ASAP2: variants seen among roughly 807,000 people sequenced by gnomAD.
The protein encoded by ASAP2 is ArfGAP with SH3 domain, ankyrin repeat and PH domain 2, also known as arf-GAP with SH3 domain, ANK repeat and PH domain-containing protein 2.
ASAP2 carries 45 observed loss-of-function variants against 131.4 expected under a neutral mutation model. That is an observed-to-expected ratio of 0.34 (90% confidence interval 0.27 to 0.44). ASAP2 has a LOEUF of 0.44. Ranked by LOEUF, ASAP2 falls within the 20% of genes least tolerant of loss-of-function variation. The pLI is 1.00. For missense variants in ASAP2, 1,011 were observed against 1,297.0 expected (o/e 0.78, Z 3.39); for synonymous variants, 510 against 503.0 (o/e 1.01, Z -0.19).
intron 1 of ASAP2, among the ~76,000 whole-genome samples, chr2:9,254,024 A>G (rs1392256314): frequency 3.3e-5 from 5 of 150,866 alleles, no homozygotes; most frequent in African/African-American, 1.2e-4. Context: ...TGGCCAATAT[A>G]GTGAAACCCC....
At chr2:9,231,098 T>C (rs1572207855) in intron 1 of ASAP2, among the ~76,000 whole-genome samples, 1 of 152,218 alleles carries the variant, frequency 6.6e-6, no homozygotes, top group Non-Finnish European at 1.5e-5. Flanking sequence ...TTTCTTCTTA[T>C]GCCAGCCTGG....
chr2:9,257,585 C>T (rs563319058), intron 1 of ASAP2, among the ~76,000 whole-genome samples: 1 of 152,352 alleles, frequency 6.6e-6, no homozygotes, highest in East Asian at 1.9e-4. Flanking sequence ...GTGGCACGAT[C>T]TCCATTCACG....
rs1336188287 is a variant in ASAP2 at position 9,232,404 on chromosome 2, C to T, written c.126+25174C>T. 6.6e-6 allele frequency among the ~76,000 whole-genome samples: 1 copy of T among 152,198 alleles called. No homozygotes were observed. Among genetic ancestry groups the T allele is most frequent in the Non-Finnish European group, 1.5e-5 (1 of 68,040 alleles). On this transcript the variant is annotated intron_variant, in intron 1 of 27. Coordinates refer to ENST00000281419, the MANE Select transcript of ASAP2 (RefSeq NM_003887.3). The surrounding 1 kb of genome is among the most constrained non-coding windows in gnomAD (Gnocchi z 4.1). ...GGCCCTCCTCTGCTGGCTTTGTGCCCCCGTACCCCTTTCGCAGCTGACTGT... is the reference window on the plus strand; with the variant it reads ...GGCCCTCCTCTGCTGGCTTTGTGCCTCCGTACCCCTTTCGCAGCTGACTGT...
At chr2:9,243,300 G>T (rs951853193) in intron 1 of ASAP2, among the ~76,000 whole-genome samples, 1 of 152,132 alleles carries the variant, frequency 6.6e-6, no homozygotes, top group African/African-American at 2.4e-5. Context: ...AGTAGAGATG[G>T]GGTTTCACTG....
chr2:9,351,799 A>C (rs945112032), intron 12 of ASAP2, among the ~76,000 whole-genome samples: 7 of 152,186 alleles, frequency 4.6e-5, no homozygotes, highest in African/African-American at 1.7e-4. Flanking sequence ...CACCTCACCC[A>C]CAATGGCTTG....
rs1038353415 is a variant in ASAP2 at position 9,327,843 on chromosome 2, C to T, written c.618C>T (p.Asn206=). The T allele has an allele frequency of 1.8e-5, 28 of 1,592,100 alleles. No homozygotes were observed. The highest frequency in any genetic ancestry group is 4.6e-5 in the East Asian group (2 of 43,576). Residue 206 remains asparagine (N), a synonymous_variant, in exon 7 of 28, where the codon AAC becomes AAT. Coordinates refer to ENST00000281419, the MANE Select transcript of ASAP2 (RefSeq NM_003887.3). ...TTCAACAGTATCTGCTGAAGGTCAA[C>T]GAAATCAAGATTAAAAAGGGAGTAG... ...LQMCEYLLKV[N]EIKIKKGVDL... is the part of the protein sequence containing the mutation.
At chr2:9,373,619 T>C (rs955612299) in intron 16 of ASAP2, among the ~76,000 whole-genome samples, 8 of 152,196 alleles carry the variant, frequency 5.3e-5, no homozygotes, top group African/African-American at 1.9e-4. Context: ...AGTCAACAAC[T>C]GCTCCAGCAG....
chr2:9,260,105 C>T (rs889506352), intron 1 of ASAP2, among the ~76,000 whole-genome samples: 1 of 152,190 alleles, frequency 6.6e-6, no homozygotes, highest in African/African-American at 2.4e-5. Flanking sequence ...GGGAAAGGTC[C>T]TCCACCAACC....
chr2:9,356,381 G>A, intron 14 of ASAP2, 36 bp downstream of exon 14: 4 of 1,528,032 alleles, frequency 2.6e-6, no homozygotes, highest in Middle Eastern at 1.8e-4. Flanking sequence ...TGGGCTCTAG[G>A]ACATTTCAAT....
intron 1 of ASAP2, among the ~76,000 whole-genome samples, chr2:9,277,160 AG>A (rs1181306987): frequency 2.6e-5 from 4 of 152,212 alleles, no homozygotes; most frequent in Non-Finnish European, 5.9e-5. Flanking sequence ...TAGAGCTCTG[AG>A]GAGCACCGTG....
chr2:9,392,453 TC>T lies in ASAP2; in HGVS notation c.2519-1028del, dbSNP rs1490983625. ...AAAAGCAGCCCAGCCCCAGCTAGAG[TC>T]AGTGCCATGTGTGCACATGCCGGCA... On this transcript the variant is annotated intron_variant, in intron 23 of 27. Transcript: ENST00000281419. This position sits in a 1 kb window ranked among gnomAD's most constrained non-coding sequence, Gnocchi z 4.0. 5.3e-5 allele frequency among the ~76,000 whole-genome samples: 8 copies of T among 151,878 alleles called. No individual in the cohort carries two copies. Among genetic ancestry groups the T allele is most frequent in the Non-Finnish European group, 1.2e-4 (8 of 67,966 alleles).
intron 1 of ASAP2, among the ~76,000 whole-genome samples, chr2:9,273,864 A>C (rs1006276276): frequency 6.6e-6 from 1 of 152,234 alleles, no homozygotes; most frequent in African/African-American, 2.4e-5. Flanking sequence ...CTAAACCATA[A>C]TTTCTAAACT....
chr2:9,288,679 G>A (rs1301325647), intron 2 of ASAP2, among the ~76,000 whole-genome samples: 2 of 152,126 alleles, frequency 1.3e-5, no homozygotes, highest in Non-Finnish European at 2.9e-5. Context: ...CTAATAGCTT[G>A]TACTCCCCAT....
Position 9,207,119 on chromosome 2 carries a change from C to G in ASAP2, c.15C>G (p.Ile5Met). MPDQ[I>M]SVSEFVAETH... is the part of the protein sequence containing the mutation. ...GCGCCGAGGCGATGCCGGACCAGATCTCCGTGTCGGAATTCGTGGCCGAGA... is the reference window on the plus strand; with the variant it reads ...GCGCCGAGGCGATGCCGGACCAGATGTCCGTGTCGGAATTCGTGGCCGAGA... Residue 5 changes from isoleucine to methionine, a missense_variant, in exon 1 of 28, where the codon ATC becomes ATG. Around this residue, in one of 2 missense-constraint regions of ASAP2, gnomAD observed 359 missense variants for 598.1 expected, o/e 0.60. Transcript: ENST00000281419. This position sits in a 1 kb window ranked among gnomAD's most constrained non-coding sequence, Gnocchi z 4.1. 1 of 1,595,582 alleles carries G rather than the reference C, an allele frequency of 6.3e-7. No homozygotes were observed. Among genetic ancestry groups the G allele is most frequent in the East Asian group, 2.3e-5 (1 of 43,254 alleles).
intron 3 of ASAP2, among the ~76,000 whole-genome samples, chr2:9,303,002 A>G (rs1243008480): frequency 2.0e-5 from 3 of 152,138 alleles, no homozygotes; most frequent in African/African-American, 4.8e-5. Context: ...CTGATTGTCC[A>G]TATTAGTAAG....
Position 9,207,315 on chromosome 2 carries a change from A to T in ASAP2, c.126+85A>T. 1 of 1,428,158 alleles carries T rather than the reference A, an allele frequency of 7.0e-7. No individual in the cohort carries two copies. Among genetic ancestry groups the T allele is most frequent in the Non-Finnish European group, 9.2e-7 (1 of 1,090,972 alleles). The allele number at this position is 1,428,158 out of a possible 1,614,324, so 88.5% of individuals were successfully genotyped here. A position where few individuals can be genotyped will look rare whatever the true frequency, so the allele number is the denominator to read the frequency against. ...CGCTCCCGCATCCGCATCCCGAGAA[A>T]ACTTTCTTTGCTCCGAAGCCGGACG... On this transcript the variant is annotated intron_variant, in intron 1 of 27. Transcript: ENST00000281419. This position sits in a 1 kb window ranked among gnomAD's most constrained non-coding sequence, Gnocchi z 4.1.
intron 9 of ASAP2, 56 bp downstream of exon 9, chr2:9,335,235 G>A: frequency 6.6e-7 from 1 of 1,515,716 alleles, no homozygotes. Flanking sequence ...TGGAGGCTTT[G>A]GGTCTGAAGA....
At chr2:9,370,615 C>A (rs979574011) in intron 16 of ASAP2, among the ~76,000 whole-genome samples, 1 of 152,146 alleles carries the variant, frequency 6.6e-6, no homozygotes, top group African/African-American at 2.4e-5. Context: ...TAACGTTCCC[C>A]CTCACAGAGG....
At chr2:9,388,076 T>TATCAG (rs1675424872) in intron 21 of ASAP2, among the ~76,000 whole-genome samples, 1 of 152,136 alleles carries the variant, frequency 6.6e-6, no homozygotes, top group African/African-American at 2.4e-5. Flanking sequence ...AGCCAAACCA[T>TATCAG]ATCAGTGTGT....
Sources: gnomAD v4.1 joint callset for allele counts (sites outside exome capture counted in the v4.1 genomes callset) on GRCh38, gnomAD v4.1.1 for gene constraint, gnomAD v4.1.1 regional missense constraint, Gnocchi (gnomAD v3.1) non-coding constraint, MANE v1.5 for transcripts, NCBI Gene and HGNC (gene_info 2026-07-23, HGNC 2026-07-21) for gene names.